Variants in DSG2 observed in about 807,000 individuals in gnomAD.
The protein encoded by DSG2 is desmoglein 2.
In DSG2, 45 loss-of-function variants were observed where a neutral mutation model predicts 75.6. The ratio of observed to expected loss-of-function variants is 0.60; its 90% CI spans 0.47 to 0.76. The LOEUF (loss-of-function observed/expected upper bound fraction) is 0.76. DSG2 is among the 30% of genes least tolerant of loss of function. The pLI, the probability that DSG2 is intolerant of heterozygous loss-of-function variation, is 0.00. For missense variants in DSG2, 1,267 were observed against 1,357.4 expected, an observed-to-expected ratio of 0.93 and a Z score of 1.05; for synonymous variants, 429 against 483.9, an observed-to-expected ratio of 0.89 and a Z score of 1.49.
At chr18:31,504,132 G>T (rs772744095) in intron 1 of DSG2, among the ~76,000 whole-genome samples, 2 of 152,112 alleles carry the variant, frequency 1.3e-5, no homozygotes, top group African/African-American at 2.4e-5. Context: ...ACTGTTCCAG[G>T]TCTCACCTCG....
At chr18:31,545,591 C>T in intron 14 of DSG2, 130 bp from the exon 15 acceptor site, 1 of 1,130,074 alleles carries the variant, frequency 8.8e-7, no homozygotes, top group Non-Finnish European at 1.3e-6. Flanking sequence ...TTGTGTTTCC[C>T]TGATGGTTCC....
In DSG2 at chr18:31,521,495, A is replaced by G. The variant is rs62095191; in HGVS notation, c.523+252A>G. Among the ~76,000 whole-genome samples the G allele has an allele frequency of 0.23, 34,931 of 151,970 alleles. 4,460 individuals carry two copies. The highest frequency in any genetic ancestry group is 0.31 in the East Asian group (1,579 of 5,166). ...TCTGTAGCAACTACTCAACTCTGCTATCTGCAGGAAAGCACCATAGACAAT... is the reference window on the plus strand; with the variant it reads ...TCTGTAGCAACTACTCAACTCTGCTGTCTGCAGGAAAGCACCATAGACAAT... On this transcript the variant is annotated intron_variant, in intron 5 of 14. Transcript: ENST00000261590.
chr18:31,524,828 A>G lies in DSG2; in HGVS notation c.954A>G (p.Gly318=), dbSNP rs2073153447. 6.2e-7 allele frequency: 1 copy of G among 1,614,184 alleles called. No homozygotes were observed. Among genetic ancestry groups the G allele is most frequent in the Non-Finnish European group, 8.5e-7 (1 of 1,180,020 alleles). Residue 318 remains glycine, a synonymous_variant, in exon 8 of 15, where the codon GGA becomes GGG. Coordinates refer to ENST00000261590, the MANE Select transcript of DSG2 (RefSeq NM_001943.5). The stretch of plus-strand genomic sequence containing the variant: ...TTACATTTGCATCAGGAAATGAAGG[A>G]GGTTATTTCCACATAGAAACAGATG... The part of the protein sequence containing the change: ...ANFTFASGNE[G]GYFHIETDAQ...
rs1428918137 is a variant in DSG2 at position 31,547,844 on chromosome 18, G to T, written c.*1101G>T. 1 of 151,974 alleles carries T rather than the reference G, an allele frequency of 6.6e-6. No homozygotes were observed. Among genetic ancestry groups the T allele is most frequent in the Non-Finnish European group, 1.5e-5 (1 of 68,008 alleles). The allele number at this position is 151,974 out of a possible 1,614,324, so 9.4% of individuals were successfully genotyped here. A position where few individuals can be genotyped will look rare whatever the true frequency, so the allele number is the denominator to read the frequency against. On this transcript the variant is annotated 3_prime_UTR_variant, in exon 15 of 15. Coordinates refer to ENST00000261590, the MANE Select transcript of DSG2 (RefSeq NM_001943.5). ...ATAGTATACTTTAAAAAGCCTCAGG[G>T]TATATTATCTTCTAAACAGCTACAA...
chr18:31,519,784 C>G lies in DSG2; in HGVS notation c.82-19C>G, dbSNP rs746455736. ...ATTTATGACACATAATAAATTTTGG[C>G]AATATTCTATTGTTATAGGTCTTAA... On this transcript the variant is annotated intron_variant, in intron 2 of 14. Transcript: ENST00000261590. 33 of 1,612,608 alleles carry G rather than the reference C, an allele frequency of 2.0e-5. No homozygotes were observed. In the Admixed American group the frequency reaches 3.5e-4, roughly 17 times the overall value.
chr18:31,544,270 T>G (rs1230301811), intron 14 of DSG2, among the ~76,000 whole-genome samples: 1 of 152,068 alleles, frequency 6.6e-6, no homozygotes, highest in Non-Finnish European at 1.5e-5. Flanking sequence ...TGTAAATAAC[T>G]TTTAAAGAAC....
In DSG2 at chr18:31,547,165, C is replaced by T. The variant is rs886053722; in HGVS notation, c.*422C>T. On this transcript the variant is annotated 3_prime_UTR_variant, in exon 15 of 15. Transcript: ENST00000261590. ...AAACATTGATGTTCTGTATTCTGTA[C>T]TTTACTGCACCCAGCAGACTTTCAA... is the stretch of plus-strand genomic sequence containing the variant. 40 of 296,900 alleles carry T rather than the reference C, an allele frequency of 1.3e-4. No homozygotes were observed. Among genetic ancestry groups the T allele is most frequent in the Non-Finnish European group, 2.4e-4 (37 of 154,026 alleles). 18.4% of individuals were successfully genotyped at this position (296,900 alleles called of 1,614,324 possible).
intron 1 of DSG2, among the ~76,000 whole-genome samples, chr18:31,510,391 C>G (rs1259526708): frequency 6.6e-6 from 1 of 152,212 alleles, no homozygotes; most frequent in Non-Finnish European, 1.5e-5. Context: ...TCAAGATTCT[C>G]TACTTTAAAG....
At chr18:31,509,074 A>G (rs1320878532) in intron 1 of DSG2, among the ~76,000 whole-genome samples, 1 of 152,236 alleles carries the variant, frequency 6.6e-6, no homozygotes, top group Non-Finnish European at 1.5e-5. Flanking sequence ...TTAAATATTA[A>G]AAAGCCCTAT....
intron 8 of DSG2, 52 bp downstream of exon 8, chr18:31,524,940 A>G (rs993923231): frequency 6.5e-7 from 1 of 1,544,094 alleles, no homozygotes; most frequent in Non-Finnish European, 9.0e-7. Context: ...GCTGGAAAGG[A>G]ATCTAATATA....
intron 6 of DSG2, among the ~76,000 whole-genome samples, chr18:31,523,868 G>A (rs2073144417): frequency 6.6e-6 from 1 of 152,214 alleles, no homozygotes; most frequent in South Asian, 2.1e-4. Flanking sequence ...TGTGCACTGA[G>A]TGGTTCTGCC....
In DSG2 at chr18:31,521,167, T is replaced by G. The variant is rs1389484271; in HGVS notation, c.447T>G (p.Val149=). 1 of 1,613,800 alleles carries G rather than the reference T, an allele frequency of 6.2e-7. No homozygotes were observed. Among genetic ancestry groups the G allele is most frequent in the Non-Finnish European group, 8.5e-7 (1 of 1,179,920 alleles). ...VEKPLELRIK[V]LDINDNEPVF... is the part of the protein sequence containing the mutation. ...AACCCTTAGAGCTACGCATTAAGGT[T>G]CTTGATATCAATGACAACGAACCAG... Residue 149 remains valine (V), a synonymous_variant, in exon 5 of 15, where the codon GTT becomes GTG. Transcript: ENST00000261590.
chr18:31,538,928 T>C lies in DSG2; in HGVS notation c.1829T>C (p.Leu610Pro), dbSNP rs755196345. The C allele has an allele frequency of 5.0e-6, 8 of 1,614,012 alleles. No homozygotes were observed. In the East Asian group the frequency reaches 1.6e-4, roughly 31 times the overall value. The change falls in exon 12 of 15, where the codon CTG becomes CCG. Residue 610 changes from leucine (L) to proline (P), a missense_variant. Leu to Pro is a moderately conservative substitution (Grantham distance 98). Transcript: ENST00000261590. Reference protein sequence around the residue: ...REAQHDSYVGLGPAAIALMIL... With the variant: ...REAQHDSYVGPGPAAIALMIL... ...GCACAGCATGACTCCTATGTGGGCC[T>C]GGGACCCGCAGCAATTGCGCTCATG...
At chr18:31,498,341 G>T in intron 1 of DSG2, 45 bp downstream of exon 1, 11 of 1,250,698 alleles carry the variant, frequency 8.8e-6, no homozygotes, top group Non-Finnish European at 1.0e-5. Flanking sequence ...CGGGGAGGGC[G>T]TCGGTAGGCG....
intron 5 of DSG2, 55 bp downstream of exon 5, chr18:31,521,298 C>G (rs2144316627): frequency 6.7e-7 from 1 of 1,500,174 alleles, no homozygotes; most frequent in East Asian, 2.4e-5. Context: ...TACTTTATCC[C>G]CACTGTAAAT....
At chr18:31,503,678 A>G (rs1017344084) in intron 1 of DSG2, among the ~76,000 whole-genome samples, 2 of 152,190 alleles carry the variant, frequency 1.3e-5, no homozygotes, top group African/African-American at 4.8e-5. Context: ...CGCCCAGTTA[A>G]AAAGAGAGGC....
intron 5 of DSG2, among the ~76,000 whole-genome samples, chr18:31,521,645 G>A (rs1291310315): frequency 6.6e-6 from 1 of 152,116 alleles, no homozygotes; most frequent in Admixed American, 6.6e-5. Context: ...TATTTTTACT[G>A]TAATATTTAT....
chr18:31,526,108 C>T (rs2073161696), intron 8 of DSG2, among the ~76,000 whole-genome samples: 1 of 152,166 alleles, frequency 6.6e-6, no homozygotes. Flanking sequence ...CGTGCCATTG[C>T]CCTCAAGCCT....
chr18:31,537,378 G>A (rs1321744571), intron 11 of DSG2, among the ~76,000 whole-genome samples: 7 of 152,200 alleles, frequency 4.6e-5, no homozygotes, highest in Non-Finnish European at 1.0e-4. Flanking sequence ...CCAGCACTTT[G>A]GGAGGCCAAG....
Sources: gnomAD v4.1 joint callset for allele counts (sites outside exome capture counted in the v4.1 genomes callset) on GRCh38, gnomAD v4.1.1 for gene constraint, MANE v1.5 for transcripts, NCBI Gene and HGNC (gene_info 2026-07-23, HGNC 2026-07-21) for gene names.